The following SLC22A6 variants were observed in gnomAD, a reference collection of about 807,000 sequenced individuals.
The protein encoded by SLC22A6 is PAH transporter.
In SLC22A6, 45 loss-of-function variants were observed where a neutral mutation model predicts 56.7. The observed-to-expected ratio is 0.79, with a 90% CI of 0.63 to 1.02. SLC22A6 has a LOEUF of 1.02. Ranked by LOEUF, SLC22A6 falls within the 50% of genes least tolerant of loss-of-function variation. The pLI is 0.00. For missense variants in SLC22A6, 606 were observed against 713.8 expected (o/e 0.85, Z 1.72); for synonymous variants, 291 against 295.9 (o/e 0.98, Z 0.17).
At position 62,976,660 on chromosome 11, in the gene SLC22A6, C is replaced by G; in HGVS notation, c.*134G>C. ...GGGGTTTATAAAGGGAGGTGGACCC[C>G]TGGGAAGATGCTTTCCTGAACCACA... On this transcript the variant is annotated 3_prime_UTR_variant, in exon 10 of 10. Transcript: ENST00000360421. The G allele has an allele frequency of 2.9e-6, 2 of 679,236 alleles. No homozygotes were observed. Among genetic ancestry groups the G allele is most frequent in the Non-Finnish European group, 5.0e-6 (2 of 399,052 alleles). 42.1% of individuals were successfully genotyped at this position (679,236 alleles called of 1,614,324 possible).
rs2086298319 is a variant in SLC22A6 at position 62,984,598 on chromosome 11, CA to C, written c.92del (p.Met31ArgfsTer91). On this transcript the variant is annotated frameshift_variant, in exon 1 of 10. Coordinates refer to ENST00000360421, the MANE Select transcript of SLC22A6 (RefSeq NM_153276.3). LOFTEE classifies it high-confidence loss of function. The stretch of plus-strand genomic sequence containing the variant: ...AGTTCTGCAGGGTGTTGTGAGAAGC[CA>C]TCAGGAGCAGGGGGAGGACCACCAG... ...VTLVVLPLLLMASHNTLQNFT... is the reference protein window; with the variant it reads ...VTLVVLPLLLXASHNTLQNFT... 1.9e-6 allele frequency: 3 copies of C among 1,613,600 alleles called. No homozygotes were observed. The highest frequency in any genetic ancestry group is 2.5e-6 in the Non-Finnish European group (3 of 1,179,820).
At position 62,981,396 on chromosome 11, in the gene SLC22A6, G is replaced by A. The variant is rs757584908; in HGVS notation, c.798-13C>T. On this transcript the variant is annotated splice_polypyrimidine_tract_variant and intron_variant, in intron 4 of 9. Coordinates refer to ENST00000360421, the MANE Select transcript of SLC22A6 (RefSeq NM_153276.3). Reference sequence around the variant, plus strand: ...CTCAATGAAGAACCTGGGAGCGGGGGTGGGGGTGGGTGTCAGCATGGCTTC... The same window carrying A: ...CTCAATGAAGAACCTGGGAGCGGGGATGGGGGTGGGTGTCAGCATGGCTTC... The A allele has an allele frequency of 3.4e-6, 5 of 1,483,360 alleles. No homozygotes were observed. Among genetic ancestry groups the A allele is most frequent in the Middle Eastern group, 1.7e-4 (1 of 5,740 alleles). The allele number at this position is 1,483,360 out of a possible 1,614,324, so 91.9% of individuals were successfully genotyped here. A position where few individuals can be genotyped will look rare whatever the true frequency, so the allele number is the denominator to read the frequency against.
At chr11:62,980,924 T>G in intron 6 of SLC22A6, 61 bp downstream of exon 6, 39 of 1,381,472 alleles carry the variant, frequency 2.8e-5, no homozygotes, top group Non-Finnish European at 3.8e-5. Context: ...CTTTCACCCA[T>G]TGTGTCTCCT....
intron 4 of SLC22A6, among the ~76,000 whole-genome samples, 180 bp from the exon 5 acceptor site, chr11:62,981,563 T>A (rs936609769): frequency 6.6e-6 from 1 of 152,080 alleles, no homozygotes; most frequent in Non-Finnish European, 1.5e-5. Context: ...GGTAATGACA[T>A]ATTCCCCAAT....
chr11:62,980,817 A>G (rs4149174), intron 6 of SLC22A6, among the ~76,000 whole-genome samples, 168 bp downstream of exon 6: 54,936 of 152,192 alleles, frequency 0.36, 10,169 homozygotes, highest in East Asian at 0.45. Flanking sequence ...GGACTGAGTC[A>G]AGGCTGGGGG....
In SLC22A6 at chr11:62,984,820, G is replaced by C. The variant is rs1307245549; in HGVS notation, c.-130C>G. On this transcript the variant is annotated 5_prime_UTR_variant, in exon 1 of 10. Coordinates refer to ENST00000360421, the MANE Select transcript of SLC22A6 (RefSeq NM_153276.3). ...TGCCTCCGCAGCTGGGTTGCTCCGG[G>C]AGCTGAGTCCGAGCTGCTCTGTGGG... is the stretch of plus-strand genomic sequence containing the variant. The C allele has an allele frequency of 1.0e-6, 1 of 1,003,998 alleles. No individual in the cohort carries two copies. Among genetic ancestry groups the C allele is most frequent in the Non-Finnish European group, 1.4e-6 (1 of 702,558 alleles). 62.2% of individuals were successfully genotyped at this position (1,003,998 alleles called of 1,614,324 possible).
chr11:62,984,622 C>T lies in SLC22A6; in HGVS notation c.69G>A (p.Leu23=), dbSNP rs763227792. 10 of 1,613,554 alleles carry T rather than the reference C, an allele frequency of 6.2e-6. No homozygotes were observed. In the Admixed American group the frequency reaches 1.3e-4, roughly 22 times the overall value. The change falls in exon 1 of 10, where the codon CTG becomes CTA. Residue 23 remains leucine, a synonymous_variant. Transcript: ENST00000360421. ...VGRFQQIQVT[L]VVLPLLLMAS... ...CCATCAGGAGCAGGGGGAGGACCAC[C>T]AGGGTGACCTGGATCTGCTGGAAGC...
chr11:62,979,098 A>G (rs1023008209), intron 8 of SLC22A6, among the ~76,000 whole-genome samples: 11 of 152,214 alleles, frequency 7.2e-5, no homozygotes, highest in African/African-American at 2.7e-4. Context: ...AATTGCTTTC[A>G]TGTTTGTGGC....
At position 62,981,618 on chromosome 11, in the gene SLC22A6, C is replaced by T. The variant is rs906299544; in HGVS notation, c.797+224G>A. On this transcript the variant is annotated intron_variant, in intron 4 of 9. Transcript: ENST00000360421. The stretch of plus-strand genomic sequence containing the variant: ...TTGCGGGTAGGGGGAGCAGAGCAGG[C>T]AGGCTGGAGAACGGAGTGGGGGAAG... Among the ~76,000 whole-genome samples the T allele has an allele frequency of 3.9e-5, 6 of 152,314 alleles. No homozygotes were observed. In the South Asian group the frequency reaches 1.2e-3, roughly 32 times the overall value.
Position 62,981,101 on chromosome 11 carries a change from C to G in SLC22A6, c.922-1G>C, listed in dbSNP as rs1295465586. On this transcript the variant is annotated splice_acceptor_variant, in intron 5 of 9. Coordinates refer to ENST00000360421, the MANE Select transcript of SLC22A6 (RefSeq NM_153276.3). LOFTEE classifies it high-confidence loss of function. ...CCTTCTGCAGACTGGCCCGGAGTAC[C>G]TGCTGGGACCGGCAGAGCTCAGGGC... The G allele has an allele frequency of 6.2e-7, 1 of 1,611,282 alleles. No individual in the cohort carries two copies. Among genetic ancestry groups the G allele is most frequent in the South Asian group, 1.1e-5 (1 of 90,734 alleles).
chr11:62,976,828 A>C lies in SLC22A6; in HGVS notation c.1619T>G (p.Leu540Arg), dbSNP rs1349206471. Residue 540 changes from leucine (L) to arginine (R), a missense_variant, in exon 10 of 10, where the codon CTG (leucine) becomes CGG (arginine). Transcript: ENST00000360421. ...ATTCTTCTCTTGTGCTGAGGCCTGC[A>C]GTGGGACCATATACTTCTGGTGCTC... ...QQEHQKYMVP[L>R]QASAQEKNGL 1 of 1,614,076 alleles carries C rather than the reference A, an allele frequency of 6.2e-7. No homozygotes were observed. Among genetic ancestry groups the C allele is most frequent in the Admixed American group, 1.7e-5 (1 of 60,014 alleles).
intron 1 of SLC22A6, 36 bp downstream of exon 1, chr11:62,984,286 A>G: frequency 6.3e-7 from 1 of 1,596,806 alleles, no homozygotes; most frequent in Non-Finnish European, 8.5e-7. Context: ...CCATCTTCCC[A>G]TCTTGGCCCC....
At chr11:62,982,217 C>T (rs2086263949) in intron 3 of SLC22A6, among the ~76,000 whole-genome samples, 3 of 152,112 alleles carry the variant, frequency 2.0e-5, no homozygotes, top group Admixed American at 2.0e-4. Context: ...CTGCCCCCTC[C>T]ACACTCTTGA....
At chr11:62,977,469 C>A in intron 8 of SLC22A6, 82 bp from the exon 9 acceptor site, 1 of 1,475,162 alleles carries the variant, frequency 6.8e-7, no homozygotes, top group Non-Finnish European at 9.1e-7. Context: ...AGGGTGGCAG[C>A]TCAGGCTCAG....
chr11:62,978,885 C>T (rs924043171), intron 8 of SLC22A6, among the ~76,000 whole-genome samples: 9 of 151,430 alleles, frequency 5.9e-5, no homozygotes, highest in Admixed American at 2.6e-4. Context: ...CCACCGTGCC[C>T]GGCCGGTCTT....
chr11:62,984,366 A>G lies in SLC22A6; in HGVS notation c.325T>C (p.Trp109Arg). The G allele has an allele frequency of 6.2e-7, 1 of 1,613,724 alleles. No individual in the cohort carries two copies. Among genetic ancestry groups the G allele is most frequent in the Non-Finnish European group, 8.5e-7 (1 of 1,179,964 alleles). ...TGATEPCTDG[W>R]IYDNSTFPST... ...GGGAAGGTGCTGTTGTCATAGATCC[A>G]GCCATCGGTGCAGGGCTCTGTGGCC... The change falls in exon 1 of 10, where the codon TGG (tryptophan) becomes CGG (arginine). Residue 109 changes from tryptophan (W) to arginine (R), a missense_variant. Transcript: ENST00000360421.
chr11:62,977,128 C>T (rs1298532038), intron 9 of SLC22A6, 56 bp downstream of exon 9: 8 of 1,613,356 alleles, frequency 5.0e-6, no homozygotes, highest in Non-Finnish European at 6.8e-6. Flanking sequence ...AATACCACCC[C>T]ACCCTGCATG....
chr11:62,979,407 A>G, intron 8 of SLC22A6, 81 bp downstream of exon 8: 1 of 990,408 alleles, frequency 1.0e-6, no homozygotes, highest in Non-Finnish European at 1.6e-6. Flanking sequence ...TACTTGATTT[A>G]GCTCTGGGGT....
At chr11:62,981,800 G>A in intron 4 of SLC22A6, 42 bp downstream of exon 4, 1 of 1,557,304 alleles carries the variant, frequency 6.4e-7, no homozygotes, top group Non-Finnish European at 8.7e-7. Flanking sequence ...TGCAGCCTCT[G>A]GGCTCCTGTG....
Sources: allele counts gnomAD v4.1 joint callset (sites outside exome capture counted in the v4.1 genomes callset), GRCh38; gene constraint gnomAD v4.1.1; transcripts MANE v1.5; gene names NCBI Gene and HGNC (gene_info 2026-07-23, HGNC 2026-07-21).